SRGAP2: variants seen among roughly 807,000 people sequenced by gnomAD.
SRGAP2 encodes SLIT-ROBO Rho GTPase activating protein 2, also known as SLIT-ROBO Rho GTPase-activating protein 2.
In SRGAP2, 15 loss-of-function variants were observed where a neutral mutation model predicts 57.2. That is an observed-to-expected ratio of 0.26 (90% confidence interval 0.18 to 0.40). The LOEUF (loss-of-function observed/expected upper bound fraction) is 0.40, where lower values mean the gene tolerates loss of function less well. Among genes scored for constraint, SRGAP2 ranks in the 10% least tolerant of loss-of-function variants. SRGAP2 has a pLI of 1.00. For missense variants in SRGAP2, 520 were observed against 669.6 expected (o/e 0.78, Z 2.47); for synonymous variants, 249 against 248.0 (o/e 1.00, Z -0.04).
chr1:206,267,315 A>G (rs1669923153), intron 2 of SRGAP2, among the ~76,000 whole-genome samples: 1 of 152,072 alleles, frequency 6.6e-6, no homozygotes, highest in Non-Finnish European at 1.5e-5. Context: ...AGGACCTGCC[A>G]AGGAGAGTGG....
intron 2 of SRGAP2, among the ~76,000 whole-genome samples, chr1:206,252,286 T>G (rs74144116): frequency 4.5e-4 from 67 of 148,850 alleles, no homozygotes; most frequent in Non-Finnish European, 7.9e-4. Context: ...CTTTTTTTTT[T>G]CCCCCAGTAA....
intron 20 of SRGAP2, chr1:206,453,788 C>A (rs1190257324): frequency 1.4e-5 from 4 of 293,502 alleles, no homozygotes; most frequent in Non-Finnish European, 2.5e-5. Context: ...ATGCTCACCC[C>A]AACCTGTTGA....
At chr1:206,418,907 TG>T (rs1660023876) in intron 11 of SRGAP2, among the ~76,000 whole-genome samples, 1 of 151,540 alleles carries the variant, frequency 6.6e-6, no homozygotes, top group Admixed American at 6.6e-5. Context: ...TGTGTGTGTG[TG>T]TGTGTGTGTG....
chr1:206,442,911 A>T (rs1488533177), intron 17 of SRGAP2, among the ~76,000 whole-genome samples: 1 of 152,084 alleles, frequency 6.6e-6, no homozygotes, highest in African/African-American at 2.4e-5. Context: ...TGAGTCCTGG[A>T]TGTATGTGTA....
At chr1:206,355,298 A>T (rs1676349996) in intron 4 of SRGAP2, among the ~76,000 whole-genome samples, 2 of 152,330 alleles carry the variant, frequency 1.3e-5, no homozygotes, top group South Asian at 4.1e-4. Context: ...TTCTGCCCGT[A>T]TCCCATATTT....
intron 3 of SRGAP2, chr1:206,333,203 T>A: frequency 1.9e-6 from 1 of 530,224 alleles, no homozygotes; most frequent in Admixed American, 3.0e-5. Context: ...GAACCACTGC[T>A]CTCTTCAAAG....
chr1:206,394,091 G>GGCT (rs1657324646), intron 7 of SRGAP2, among the ~76,000 whole-genome samples: 1 of 117,598 alleles, frequency 8.5e-6, no homozygotes, highest in African/African-American at 3.5e-5. Context: ...CTGTCCCCCA[G>GGCT]GCTGGAGTGC....
intron 4 of SRGAP2, among the ~76,000 whole-genome samples, chr1:206,350,028 CCCAAATGT>C (rs1194731083): frequency 3.9e-5 from 6 of 151,952 alleles, no homozygotes; most frequent in African/African-American, 1.5e-4. Context: ...CTGGAAACAA[CCCAAATGT>C]CCATCAACAG....
chr1:206,340,535 T>A (rs1675106832), intron 3 of SRGAP2, among the ~76,000 whole-genome samples: 1 of 152,076 alleles, frequency 6.6e-6, no homozygotes, highest in Admixed American at 6.6e-5. Context: ...CAATCCATCT[T>A]CTCCCTTAAG....
intron 22 of SRGAP2, 83 bp from the exon 23 acceptor site, chr1:206,460,954 G>A: frequency 4.7e-6 from 3 of 639,254 alleles, no homozygotes; most frequent in Non-Finnish European, 5.6e-6. Flanking sequence ...TTTTCTTCAT[G>A]CCTTGGCCTG....
At chr1:206,300,921 CA>C (rs1402836117) in intron 2 of SRGAP2, among the ~76,000 whole-genome samples, 34 of 150,926 alleles carry the variant, frequency 2.3e-4, no homozygotes, top group African/African-American at 8.0e-4. Context: ...GAGTGCATTA[CA>C]GGGGACTCAG....
chr1:206,301,171 A>G (rs1452073743), intron 2 of SRGAP2, among the ~76,000 whole-genome samples: 1 of 151,288 alleles, frequency 6.6e-6, no homozygotes, highest in African/African-American at 2.4e-5. Flanking sequence ...AGTTGGGACC[A>G]CAGGCACCTG....
chr1:206,207,599 C>T (rs1462140307), intron 2 of SRGAP2: 85 of 151,738 alleles, frequency 5.6e-4, no homozygotes, highest in Admixed American at 5.2e-3. Context: ...TGGAATCCCC[C>T]CTGCAGTTTT....
intron 2 of SRGAP2, among the ~76,000 whole-genome samples, chr1:206,288,479 A>T: frequency 3.6e-5 from 2 of 56,082 alleles, no homozygotes; most frequent in Admixed American, 2.0e-4. Flanking sequence ...TTACATTCCA[A>T]CTTGCATGCT....
In SRGAP2 at chr1:206,357,644, C is replaced by T. The variant is rs1427990230; in HGVS notation, c.423+14636C>T. Among the ~76,000 whole-genome samples, 4 of 136,338 alleles carry T rather than the reference C, an allele frequency of 2.9e-5. No individual in the cohort carries two copies. The East Asian group carries it at 8.7e-4, about 30-fold the overall frequency. The allele number at this position is 136,338 out of a possible 152,430, so 89.4% of individuals were successfully genotyped here. ...TTTTTTTCAGGCTGAAGTACAGTGG[C>T]GTGATCTTGGCTCACTGCAACCTCC... On this transcript the variant is annotated intron_variant, in intron 4 of 22. Transcript: ENST00000573034.
chr1:206,306,379 G>A (rs1232561659), intron 3 of SRGAP2, among the ~76,000 whole-genome samples: 3 of 152,092 alleles, frequency 2.0e-5, no homozygotes, highest in African/African-American at 7.2e-5. Context: ...CGCGTCTGGA[G>A]TTGTTCGTTC....
chr1:206,392,183 G>A (rs1365088096), intron 5 of SRGAP2, among the ~76,000 whole-genome samples: 3 of 150,696 alleles, frequency 2.0e-5, no homozygotes, highest in South Asian at 2.1e-4. Context: ...ATGCCAGGCC[G>A]GTAAAAGGAG....
chr1:206,221,386 A>T lies in SRGAP2; in HGVS notation c.67+15349A>T, dbSNP rs187255807. ...GCCTGAAACTGGGTAATTTGCAAAG[A>T]AACCATTTTTTTTTTCCGGTTCTGG... is the stretch of plus-strand genomic sequence containing the variant. On this transcript the variant is annotated intron_variant, in intron 2 of 22. Transcript: ENST00000573034. Among the ~76,000 whole-genome samples the T allele has an allele frequency of 5.9e-4, 89 of 150,034 alleles. 3 individuals carry two copies. The highest frequency in any genetic ancestry group is 5.5e-3 in the Admixed American group (84 of 15,234).
intron 2 of SRGAP2, among the ~76,000 whole-genome samples, chr1:206,229,335 C>T (rs1183235684): frequency 2.0e-5 from 3 of 150,630 alleles, no homozygotes; most frequent in Non-Finnish European, 4.4e-5. Context: ...GGTTTCACTG[C>T]TCCTAAGTTC....
Sources: allele counts gnomAD v4.1 joint callset (sites outside exome capture counted in the v4.1 genomes callset), GRCh38; gene constraint gnomAD v4.1.1; transcripts MANE v1.5; gene names NCBI Gene and HGNC (gene_info 2026-07-23, HGNC 2026-07-21).